DCAF5: variants seen among roughly 807,000 people sequenced by gnomAD.
DCAF5 encodes the protein DDB1- and CUL4-associated factor 5.
In DCAF5, 9 loss-of-function variants were observed where a neutral mutation model predicts 80.7. That is an observed-to-expected ratio of 0.11 (90% CI 0.07 to 0.19). DCAF5 has a LOEUF of 0.19. Among genes scored for constraint, DCAF5 ranks in the 10% least tolerant of loss-of-function variants. The probability of loss-of-function intolerance (pLI) is 1.00; values close to 1 mark genes in which losing one functional copy is unlikely to be tolerated. For missense variants in DCAF5, 842 were observed against 1,205.7 expected, an observed-to-expected ratio of 0.70 and a Z score of 4.47; for synonymous variants, 433 against 461.9, an observed-to-expected ratio of 0.94 and a Z score of 0.80.
intron 6 of DCAF5, chr14:69,084,446 C>A: frequency 1.2e-6 from 1 of 838,836 alleles, no homozygotes; most frequent in Non-Finnish European, 2.1e-6. Context: ...TTTGCCAACA[C>A]GTAGACAGAC....
intron 6 of DCAF5, among the ~76,000 whole-genome samples, chr14:69,077,887 C>T (rs1043725121): frequency 3.3e-5 from 5 of 152,142 alleles, no homozygotes; most frequent in Non-Finnish European, 5.9e-5. Flanking sequence ...GAAGAAAATG[C>T]TATCTATAGG....
At chr14:69,088,138 CCTT>C (rs1314070061) in intron 6 of DCAF5, among the ~76,000 whole-genome samples, 1 of 152,210 alleles carries the variant, frequency 6.6e-6, no homozygotes, top group Non-Finnish European at 1.5e-5. Flanking sequence ...CCCCACCACT[CCTT>C]AATGTTTACT....
At chr14:69,136,415 C>G (rs1161220101) in intron 1 of DCAF5, among the ~76,000 whole-genome samples, 1 of 152,054 alleles carries the variant, frequency 6.6e-6, no homozygotes, top group African/African-American at 2.4e-5. Context: ...AGCACCCAGC[C>G]TATAATTTTC....
chr14:69,105,943 A>ATATATATATATATATATATATATC (rs1223858774), intron 5 of DCAF5, among the ~76,000 whole-genome samples: 6 of 74,198 alleles, frequency 8.1e-5, no homozygotes, highest in East Asian at 5.7e-4. Context: ...ATATATATAT[A>ATATATATATATATATATATATATC]TATCTCCTAT....
At chr14:69,126,708 C>CA (rs2040885960) in intron 1 of DCAF5, among the ~76,000 whole-genome samples, 1 of 152,032 alleles carries the variant, frequency 6.6e-6, no homozygotes, top group South Asian at 2.1e-4. Context: ...AACAAATACA[C>CA]AAATAGATCA....
At chr14:69,100,837 T>A (rs1423538296) in intron 5 of DCAF5, among the ~76,000 whole-genome samples, 1 of 152,168 alleles carries the variant, frequency 6.6e-6, no homozygotes, top group Non-Finnish European at 1.5e-5. Context: ...AAGAAGTCCC[T>A]ATCTAAAATA....
At chr14:69,105,330 G>T (rs903352759) in intron 5 of DCAF5, among the ~76,000 whole-genome samples, 2 of 152,156 alleles carry the variant, frequency 1.3e-5, no homozygotes, top group Non-Finnish European at 2.9e-5. Flanking sequence ...CCATAAAAAA[G>T]AATGAGACAC....
At chr14:69,125,109 C>G (rs554138508) in intron 1 of DCAF5, among the ~76,000 whole-genome samples, 1 of 152,252 alleles carries the variant, frequency 6.6e-6, no homozygotes, top group Admixed American at 6.5e-5. Context: ...AGCTAAGATT[C>G]AAAAGCAAGC....
At chr14:69,099,969 A>G (rs1044290862) in intron 5 of DCAF5, among the ~76,000 whole-genome samples, 1 of 152,190 alleles carries the variant, frequency 6.6e-6, no homozygotes, top group African/African-American at 2.4e-5. Context: ...AGAAGTTCAA[A>G]AGGAAAATTA....
chr14:69,085,494 CAA>C (rs1370191897), intron 6 of DCAF5: 31 of 350,906 alleles, frequency 8.8e-5, no homozygotes, highest in Middle Eastern at 1.9e-3. Flanking sequence ...ACTTATCTAA[CAA>C]GAGTATAAAT....
intron 1 of DCAF5, among the ~76,000 whole-genome samples, chr14:69,146,762 A>G (rs2041550087): frequency 6.6e-6 from 1 of 152,240 alleles, no homozygotes; most frequent in Non-Finnish European, 1.5e-5. Flanking sequence ...TATTTGTTGC[A>G]CTAATAAATA....
At chr14:69,136,241 G>C (rs761662849) in intron 1 of DCAF5, among the ~76,000 whole-genome samples, 6 of 149,864 alleles carry the variant, frequency 4.0e-5, no homozygotes, top group Non-Finnish European at 5.9e-5. Flanking sequence ...TCAGCCTCCA[G>C]AGTAGTTGAG....
intron 5 of DCAF5, among the ~76,000 whole-genome samples, chr14:69,109,610 C>T (rs941228178): frequency 6.6e-6 from 1 of 152,076 alleles, no homozygotes; most frequent in South Asian, 2.1e-4. Flanking sequence ...AATATTATGA[C>T]CGTGAGATTC....
At chr14:69,114,923 C>G (rs1384014529) in intron 5 of DCAF5, among the ~76,000 whole-genome samples, 1 of 152,142 alleles carries the variant, frequency 6.6e-6, no homozygotes, top group Non-Finnish European at 1.5e-5. Context: ...CTGCAGACAC[C>G]ATGAATTGCT....
intron 8 of DCAF5, among the ~76,000 whole-genome samples, chr14:69,057,513 G>A (rs938318345): frequency 1.3e-5 from 2 of 152,174 alleles, no homozygotes; most frequent in Admixed American, 6.5e-5. Flanking sequence ...TAACAACAGT[G>A]AGATGCTGGC....
chr14:69,134,443 C>A (rs1471854389), intron 1 of DCAF5, among the ~76,000 whole-genome samples: 9 of 152,222 alleles, frequency 5.9e-5, no homozygotes, highest in African/African-American at 2.2e-4. Context: ...TAACAAAAAT[C>A]AAAAACGTGG....
Position 69,054,109 on chromosome 14 carries a change from G to A in DCAF5, c.2577C>T (p.Tyr859=), listed in dbSNP as rs746287363. 1 of 1,614,226 alleles carries A rather than the reference G, an allele frequency of 6.2e-7. No homozygotes were observed. The highest frequency in any genetic ancestry group is 1.1e-5 in the South Asian group (1 of 91,084). ...QNLGELEVVA[Y]SSPGHSDTDR... Reference sequence around the variant, plus strand: ...CAGTGTCTGAGTGTCCTGGGGAAGAGTAGGCCACCACCTCCAGCTCCCCCA... The same window carrying A: ...CAGTGTCTGAGTGTCCTGGGGAAGAATAGGCCACCACCTCCAGCTCCCCCA... Residue 859 remains tyrosine, a synonymous_variant, in exon 9 of 9, where the codon TAC becomes TAT. Transcript: ENST00000341516.
intron 6 of DCAF5, chr14:69,084,531 A>T: frequency 1.3e-6 from 1 of 757,450 alleles, no homozygotes; most frequent in Non-Finnish European, 2.4e-6. Context: ...GAGCCATTGT[A>T]TGTTGGTGTT....
intron 6 of DCAF5, among the ~76,000 whole-genome samples, chr14:69,076,877 T>C (rs953335144): frequency 1.3e-5 from 2 of 152,240 alleles, no homozygotes; most frequent in Non-Finnish European, 2.9e-5. Context: ...CCAAGTATCC[T>C]GAACTTCCTT....
Sources: gnomAD v4.1 joint callset for allele counts (sites outside exome capture counted in the v4.1 genomes callset) on GRCh38, gnomAD v4.1.1 for gene constraint, MANE v1.5 for transcripts, NCBI Gene and HGNC (gene_info 2026-07-23, HGNC 2026-07-21) for gene names.